GABRB1: variants seen among roughly 807,000 people sequenced by gnomAD.
GABRB1 encodes gamma-aminobutyric acid receptor subunit beta-1.
Under a neutral mutation model 51.6 loss-of-function variants are expected in GABRB1, and 17 were observed. The observed-to-expected ratio is 0.33, with a 90% CI of 0.23 to 0.49. The LOEUF (loss-of-function observed/expected upper bound fraction) is 0.49, where lower values mean the gene tolerates loss of function less well. GABRB1 is among the 20% of genes least tolerant of loss of function. The pLI, the probability that GABRB1 is intolerant of heterozygous loss-of-function variation, is 0.99. For synonymous variants in GABRB1, 247 were observed against 218.9 expected (o/e 1.13, Z -1.14); for missense variants, 410 against 600.6 (o/e 0.68, Z 3.32).
At chr4:47,032,895 C>A (rs1044892348) in intron 3 of GABRB1, 1 of 373,944 alleles carries the variant, frequency 2.7e-6, no homozygotes, top group African/African-American at 2.1e-5. Context: ...TGCTGGCAAT[C>A]CCCATGGCCC....
chr4:47,137,452 A>G (rs1716720173), intron 3 of GABRB1, among the ~76,000 whole-genome samples: 1 of 152,136 alleles, frequency 6.6e-6, no homozygotes, highest in African/African-American at 2.4e-5. Context: ...CAAATGGAAG[A>G]GAATGCTATA....
At chr4:47,176,156 A>G (rs1338297418) in intron 4 of GABRB1, among the ~76,000 whole-genome samples, 5 of 152,110 alleles carry the variant, frequency 3.3e-5, no homozygotes, top group Admixed American at 6.6e-5. Flanking sequence ...GTATTTGGGT[A>G]TATTATACCC....
At chr4:47,418,144 A>G (rs937550302) in intron 8 of GABRB1, among the ~76,000 whole-genome samples, 1 of 152,236 alleles carries the variant, frequency 6.6e-6, no homozygotes, top group African/African-American at 2.4e-5. Context: ...TCACCCTGTG[A>G]TTTTTGGCAT....
At chr4:47,055,031 T>C (rs769303204) in intron 3 of GABRB1, among the ~76,000 whole-genome samples, 22 of 152,228 alleles carry the variant, frequency 1.4e-4, no homozygotes, top group Non-Finnish European at 2.5e-4. Flanking sequence ...AACTGTTACA[T>C]TGGCTTCTAG....
intron 5 of GABRB1, among the ~76,000 whole-genome samples, chr4:47,362,656 G>A (rs188574909): frequency 7.2e-5 from 11 of 152,184 alleles, no homozygotes; most frequent in South Asian, 6.2e-4. Flanking sequence ...ACAGACTAGG[G>A]TGCCTATAGA....
chr4:47,206,865 T>C (rs953397323), intron 4 of GABRB1, among the ~76,000 whole-genome samples: 1 of 151,492 alleles, frequency 6.6e-6, no homozygotes, highest in Non-Finnish European at 1.5e-5. Flanking sequence ...TATGTATATA[T>C]ATGTGTGTGT....
At chr4:47,327,419 G>C (rs1725300658) in intron 5 of GABRB1, among the ~76,000 whole-genome samples, 1 of 152,104 alleles carries the variant, frequency 6.6e-6, no homozygotes, top group Non-Finnish European at 1.5e-5. Context: ...CAACAGCCAG[G>C]TAAGGAAAGA....
chr4:47,407,208 G>T (rs1728607272), intron 8 of GABRB1, among the ~76,000 whole-genome samples: 1 of 152,174 alleles, frequency 6.6e-6, no homozygotes, highest in African/African-American at 2.4e-5. Context: ...GATTTGCATG[G>T]TAAATAAATG....
intron 4 of GABRB1, among the ~76,000 whole-genome samples, chr4:47,306,366 G>A (rs1379770625): frequency 6.6e-6 from 1 of 151,276 alleles, no homozygotes; most frequent in East Asian, 1.9e-4. Context: ...GGGGAACAGT[G>A]AGAAGAAGGT....
At chr4:47,353,240 T>C (rs1039598306) in intron 5 of GABRB1, among the ~76,000 whole-genome samples, 2 of 152,120 alleles carry the variant, frequency 1.3e-5, no homozygotes, top group African/African-American at 2.4e-5. Flanking sequence ...GAGATTTGGG[T>C]GGAGACACAG....
At chr4:47,278,752 A>C (rs1723172374) in intron 4 of GABRB1, among the ~76,000 whole-genome samples, 1 of 152,182 alleles carries the variant, frequency 6.6e-6, no homozygotes, top group Admixed American at 6.5e-5. Flanking sequence ...TGCTCACAAA[A>C]GCATGACAAT....
chr4:47,072,620 G>A (rs1339519868), intron 3 of GABRB1, among the ~76,000 whole-genome samples: 1 of 152,014 alleles, frequency 6.6e-6, no homozygotes, highest in African/African-American at 2.4e-5. Context: ...TATCTATCTG[G>A]AAATTTAAGT....
intron 5 of GABRB1, among the ~76,000 whole-genome samples, chr4:47,339,586 A>G (rs1476339576): frequency 6.8e-6 from 1 of 146,482 alleles, no homozygotes. Context: ...TTTTATACAT[A>G]TTTTTTAGTC....
In GABRB1 at chr4:47,050,551, C is replaced by A. The variant is rs191107533; in HGVS notation, c.240+18067C>A. Among the ~76,000 whole-genome samples, 5 of 152,040 alleles carry A rather than the reference C, an allele frequency of 3.3e-5. No homozygotes were observed. In the East Asian group the frequency reaches 9.7e-4, roughly 29 times the overall value. On this transcript the variant is annotated intron_variant, in intron 3 of 8. Coordinates refer to ENST00000295454, the MANE Select transcript of GABRB1 (RefSeq NM_000812.4). ...TGCCAATGCAAAGAGTTGAAGGAAG[C>A]AAAGAATAATTTTGATGAATAAGAA... is the stretch of plus-strand genomic sequence containing the variant.
intron 5 of GABRB1, among the ~76,000 whole-genome samples, chr4:47,373,882 G>A (rs1480494684): frequency 1.3e-5 from 2 of 152,212 alleles, no homozygotes; most frequent in Non-Finnish European, 2.9e-5. Context: ...GAGGTAAGGT[G>A]TCAAGGAAGG....
At chr4:47,263,941 A>T (rs1722549122) in intron 4 of GABRB1, among the ~76,000 whole-genome samples, 1 of 151,898 alleles carries the variant, frequency 6.6e-6, no homozygotes, top group Admixed American at 6.6e-5. Context: ...GAGCCCAGGA[A>T]TTCAAAACAT....
At chr4:47,381,789 G>C (rs1417089914) in intron 5 of GABRB1, among the ~76,000 whole-genome samples, 4 of 152,116 alleles carry the variant, frequency 2.6e-5, no homozygotes, top group African/African-American at 4.8e-5. Context: ...CCTTTAACTA[G>C]TGTATGTGCT....
intron 3 of GABRB1, among the ~76,000 whole-genome samples, chr4:47,147,191 A>G (rs898108004): frequency 6.6e-6 from 1 of 152,046 alleles, no homozygotes; most frequent in East Asian, 1.9e-4. Flanking sequence ...AACATCCAAT[A>G]TTTCATTCCT....
intron 4 of GABRB1, among the ~76,000 whole-genome samples, chr4:47,308,553 C>CTTAAA (rs750328345): frequency 2.6e-5 from 4 of 152,050 alleles, no homozygotes; most frequent in Admixed American, 1.3e-4. Context: ...TTGAATTTTA[C>CTTAAA]TTTACTCCTT....
Sources: gnomAD v4.1 joint callset for allele counts (sites outside exome capture counted in the v4.1 genomes callset) on GRCh38, gnomAD v4.1.1 for gene constraint, MANE v1.5 for transcripts, NCBI Gene and HGNC (gene_info 2026-07-23, HGNC 2026-07-21) for gene names.